Variants in ZNF777 observed in about 807,000 individuals in gnomAD.
The protein encoded by ZNF777 is zinc finger protein 777.
In ZNF777, 7 loss-of-function variants were observed where a neutral mutation model predicts 72.1. That is an observed-to-expected ratio of 0.10 (90% CI 0.06 to 0.18). ZNF777 has a LOEUF of 0.18. ZNF777 is among the 10% of genes least tolerant of loss of function. The pLI, the probability that ZNF777 is intolerant of heterozygous loss-of-function variation, is 1.00. For synonymous variants in ZNF777, 545 were observed against 483.5 expected, an observed-to-expected ratio of 1.13 and a Z score of -1.67; for missense variants, 828 against 1,128.6, an observed-to-expected ratio of 0.73 and a Z score of 3.82.
rs1363696609 is a variant in ZNF777, at chr7:149,455,459, C to T, written c.564G>A (p.Val188=). ...TCTCCACTGCTTGGACGGCAGCCCA[C>T]ACAGCCAAGCGGGTGATCTCTGCCG... ...LPTAEITRLA[V]WAAVQAVERK... Residue 188 remains valine, a synonymous_variant, in exon 2 of 6, where the codon GTG becomes GTA. Transcript: ENST00000247930. This position sits in a 1 kb window ranked among gnomAD's most constrained non-coding sequence, Gnocchi z 4.2. 2 of 1,614,208 alleles carry T rather than the reference C, an allele frequency of 1.2e-6. No homozygotes were observed. Among genetic ancestry groups the T allele is most frequent in the Non-Finnish European group, 1.7e-6 (2 of 1,180,038 alleles).
In ZNF777 at chr7:149,436,459, T is replaced by C; in HGVS notation, c.1339+116A>G. On this transcript the variant is annotated intron_variant, in intron 5 of 5. Coordinates refer to ENST00000247930, the MANE Select transcript of ZNF777 (RefSeq NM_015694.3). This position sits in a 1 kb window ranked among gnomAD's most constrained non-coding sequence, Gnocchi z 5.0. Reference sequence around the variant, plus strand: ...GTGCTTGGTAATTCTTTCCCACCTGTTGCCCCATCAGTGTCCAGCTACCTC... The same window carrying C: ...GTGCTTGGTAATTCTTTCCCACCTGCTGCCCCATCAGTGTCCAGCTACCTC... 1 of 1,249,498 alleles carries C rather than the reference T, an allele frequency of 8.0e-7. No homozygotes were observed. The highest frequency in any genetic ancestry group is 2.3e-5 in the Admixed American group (1 of 43,980). 77.4% of individuals were successfully genotyped at this position (1,249,498 alleles called of 1,614,324 possible).
intron 3 of ZNF777, 46 bp downstream of exon 3, chr7:149,454,065 G>C: frequency 6.2e-7 from 1 of 1,610,574 alleles, no homozygotes; most frequent in Non-Finnish European, 8.5e-7. Flanking sequence ...AATGCACTTT[G>C]AGCTGGCGTC....
intron 1 of ZNF777, among the ~76,000 whole-genome samples, chr7:149,458,961 C>T (rs1799887995): frequency 6.6e-6 from 1 of 152,164 alleles, no homozygotes; most frequent in Admixed American, 6.5e-5. Context: ...GGATTCATGC[C>T]ACATTAGCAG....
rs1428112142 is a variant in ZNF777 at position 149,451,014 on chromosome 7, T to G, written c.1072A>C (p.Thr358Pro). The G allele has an allele frequency of 1.2e-6, 2 of 1,613,808 alleles. No individual in the cohort carries two copies. Among genetic ancestry groups the G allele is most frequent in the Non-Finnish European group, 1.7e-6 (2 of 1,179,992 alleles). Residue 358 changes from threonine to proline, a missense_variant, in exon 4 of 6, where the codon ACA (threonine) becomes CCA (proline). This residue lies in a region of ZNF777 where 73 missense variants were observed against 90.6 expected (regional missense o/e 0.81). Coordinates refer to ENST00000247930, the MANE Select transcript of ZNF777 (RefSeq NM_015694.3). ...AGCCACTCACCAGCACTGGGATCTG[T>G]CGGCGTTTCGCCCTCCTCAGAGTCT... The part of the protein sequence containing the change: ...QEDSEEGETP[T>P]DPSAAHDGIV...
chr7:149,441,101 G>A (rs1316190243), intron 4 of ZNF777, among the ~76,000 whole-genome samples: 1 of 152,276 alleles, frequency 6.6e-6, no homozygotes, highest in Middle Eastern at 3.4e-3. Flanking sequence ...AGCAGGGAAC[G>A]CCAGCGTTTC....
chr7:149,460,174 C>A lies in ZNF777; in HGVS notation c.-16+641G>T. ...CCCTGCGCTGTCCGGCCCGGGCCCC[C>A]GGAGTCGCCGCCGCTACTGCCGCCG... On this transcript the variant is annotated intron_variant, in intron 1 of 5. Transcript: ENST00000247930. The surrounding 1 kb of genome is among the most constrained non-coding windows in gnomAD (Gnocchi z 6.1). 1 of 888,752 alleles carries A rather than the reference C, an allele frequency of 1.1e-6. No individual in the cohort carries two copies. Among genetic ancestry groups the A allele is most frequent in the Non-Finnish European group, 1.3e-6 (1 of 744,570 alleles). 55.1% of individuals were successfully genotyped at this position (888,752 alleles called of 1,614,324 possible).
In ZNF777 at chr7:149,436,871, A is replaced by C; in HGVS notation, c.1088-45T>G. ...GGTGAGGAGGAGAAAAGAACCCAGA[A>C]TGTTCATGCCAACTGCCCAGGTTTC... On this transcript the variant is annotated intron_variant, in intron 4 of 5. Coordinates refer to ENST00000247930, the MANE Select transcript of ZNF777 (RefSeq NM_015694.3). The surrounding 1 kb of genome is among the most constrained non-coding windows in gnomAD (Gnocchi z 5.0). 6.3e-7 allele frequency: 1 copy of C among 1,582,080 alleles called. No homozygotes were observed. Among genetic ancestry groups the C allele is most frequent in the Non-Finnish European group, 8.6e-7 (1 of 1,157,804 alleles).
intron 1 of ZNF777, chr7:149,459,873 G>A: frequency 1.0e-6 from 1 of 983,478 alleles, no homozygotes; most frequent in Non-Finnish European, 1.2e-6. Context: ...CCCACCTCGG[G>A]GCCGCGTGTG....
Position 149,455,070 on chromosome 7 carries a change from A to G in ZNF777, c.846+107T>C. ...ATGTCCTAGCAACTGGGATCACTGT[A>G]TTTTTTCCTTTATCAACCACCCCTT... On this transcript the variant is annotated intron_variant, in intron 2 of 5. Transcript: ENST00000247930. This position sits in a 1 kb window ranked among gnomAD's most constrained non-coding sequence, Gnocchi z 4.2. 4.3e-6 allele frequency: 6 copies of G among 1,388,586 alleles called. No homozygotes were observed. Among genetic ancestry groups the G allele is most frequent in the African/African-American group, 1.4e-5 (1 of 69,454 alleles). The allele number at this position is 1,388,586 out of a possible 1,614,324, so 86.0% of individuals were successfully genotyped here.
chr7:149,440,864 G>T (rs1585692141), intron 4 of ZNF777, among the ~76,000 whole-genome samples: 1 of 151,874 alleles, frequency 6.6e-6, no homozygotes, highest in African/African-American at 2.4e-5. Context: ...AAGAGCATGG[G>T]TACCTCAGCT....
intron 1 of ZNF777, 94 bp from the exon 2 acceptor site, chr7:149,456,131 T>C: frequency 7.3e-7 from 1 of 1,376,216 alleles, no homozygotes; most frequent in Non-Finnish European, 9.6e-7. Flanking sequence ...TAAAAAGTGC[T>C]TCCGTTTGGT....
At chr7:149,452,358 G>A (rs774840707) in intron 3 of ZNF777, among the ~76,000 whole-genome samples, 4 of 146,010 alleles carry the variant, frequency 2.7e-5, no homozygotes, top group Admixed American at 6.8e-5. Context: ...TAGGCTGGGC[G>A]TGTGGCTCAC....
intron 4 of ZNF777, among the ~76,000 whole-genome samples, chr7:149,445,587 T>C (rs1409422726): frequency 6.6e-6 from 1 of 152,188 alleles, no homozygotes; most frequent in Non-Finnish European, 1.5e-5. Flanking sequence ...TAATTCTGGG[T>C]GTTGGCAACA....
Position 149,455,262 on chromosome 7 carries a change from C to T in ZNF777, c.761G>A (p.Arg254Gln). The change falls in exon 2 of 6, where the codon CGG (arginine) becomes CAG (glutamine). Residue 254 changes from arginine (R) to glutamine (Q), a missense_variant. By Grantham distance (43) the Arg-to-Gln change is conservative. This residue lies in a region of ZNF777 where 76 missense variants were observed against 157.3 expected (regional missense o/e 0.48). Coordinates refer to ENST00000247930, the MANE Select transcript of ZNF777 (RefSeq NM_015694.3). This position sits in a 1 kb window ranked among gnomAD's most constrained non-coding sequence, Gnocchi z 4.2. ...LLQEYGLLQR[R>Q]LENMENLLKN... is the part of the protein sequence containing the mutation. ...CAGCAGGTTCTCCATGTTCTCCAGC[C>T]GCCTCTGCAGCAGCCCATACTCCTG... 6.2e-7 allele frequency: 1 copy of T among 1,614,240 alleles called. No homozygotes were observed. The highest frequency in any genetic ancestry group is 8.5e-7 in the Non-Finnish European group (1 of 1,180,046).
At position 149,435,110 on chromosome 7, in the gene ZNF777, T is replaced by C. The variant is rs184818045; in HGVS notation, c.1339+1465A>G. ...CACTATTCTGTTATGAAAGACAGCA[T>C]GGTATGTCAAAAACACTTCTGAAAT... is the stretch of plus-strand genomic sequence containing the variant. On this transcript the variant is annotated intron_variant, in intron 5 of 5. Transcript: ENST00000247930. Among the ~76,000 whole-genome samples the C allele has an allele frequency of 5.9e-5, 9 of 152,354 alleles. No homozygotes were observed. The East Asian group carries it at 1.3e-3, about 23-fold the overall frequency.
chr7:149,460,512 C>G lies in ZNF777; in HGVS notation c.-16+303G>C, dbSNP rs1563242637. ...GGGACCCCAGCTCCGGCCCCGGCCC[C>G]GGCTGCGAGCTGCGCTGCCGTCCCG... On this transcript the variant is annotated intron_variant, in intron 1 of 5. Coordinates refer to ENST00000247930, the MANE Select transcript of ZNF777 (RefSeq NM_015694.3). The surrounding 1 kb of genome is among the most constrained non-coding windows in gnomAD (Gnocchi z 6.1). 1.3e-5 allele frequency among the ~76,000 whole-genome samples: 2 copies of G among 150,864 alleles called. No homozygotes were observed. The highest frequency in any genetic ancestry group is 2.4e-5 in the African/African-American group (1 of 41,296).
chr7:149,458,686 C>T (rs1398785551), intron 1 of ZNF777, among the ~76,000 whole-genome samples: 1 of 152,218 alleles, frequency 6.6e-6, no homozygotes, highest in African/African-American at 2.4e-5. Context: ...TGTAGAGGGG[C>T]CACAGGAGGG....
At chr7:149,446,272 A>C (rs1186441142) in intron 4 of ZNF777, among the ~76,000 whole-genome samples, 1 of 152,128 alleles carries the variant, frequency 6.6e-6, no homozygotes, top group African/African-American at 2.4e-5. Context: ...GCTACTGGGG[A>C]GGCCGAGGCG....
rs1176221807 is a variant in ZNF777, at chr7:149,431,689, C to G, written c.*87G>C. The G allele has an allele frequency of 8.7e-6, 10 of 1,143,944 alleles. No individual in the cohort carries two copies. The highest frequency in any genetic ancestry group is 9.7e-6 in the Non-Finnish European group (9 of 924,586). The allele number at this position is 1,143,944 out of a possible 1,614,324, so 70.9% of individuals were successfully genotyped here. On this transcript the variant is annotated 3_prime_UTR_variant, in exon 6 of 6. Coordinates refer to ENST00000247930, the MANE Select transcript of ZNF777 (RefSeq NM_015694.3). ...GGCAAAGGGGCTGGGGGGCGCCCCG[C>G]CCCCGCCCGCTGGGCTCGGGCCTGG...
Sources: gnomAD v4.1 joint callset for allele counts (sites outside exome capture counted in the v4.1 genomes callset) on GRCh38, gnomAD v4.1.1 for gene constraint, gnomAD v4.1.1 regional missense constraint, Gnocchi (gnomAD v3.1) non-coding constraint, MANE v1.5 for transcripts, NCBI Gene and HGNC (gene_info 2026-07-23, HGNC 2026-07-21) for gene names.